ACAP2: variants seen among roughly 807,000 people sequenced by gnomAD.
ACAP2 encodes the protein ArfGAP with coiled-coil, ankyrin repeat and PH domains 2.
In ACAP2, 39 loss-of-function variants were observed where a neutral mutation model predicts 115.8. The observed-to-expected ratio is 0.34, with a 90% CI of 0.26 to 0.44. The LOEUF is 0.44. Ranked by LOEUF, ACAP2 falls within the 20% of genes least tolerant of loss-of-function variation. ACAP2 has a pLI of 1.00. For missense variants in ACAP2, 662 were observed against 927.6 expected, an observed-to-expected ratio of 0.71 and a Z score of 3.72; for synonymous variants, 289 against 315.8, an observed-to-expected ratio of 0.92 and a Z score of 0.90.
At chr3:195,331,916 C>T (rs1378954285) in intron 8 of ACAP2, among the ~76,000 whole-genome samples, 5 of 151,824 alleles carry the variant, frequency 3.3e-5, no homozygotes, top group Non-Finnish European at 7.4e-5. Flanking sequence ...GGGCAGATCA[C>T]GAGGTCAGGA....
chr3:195,368,439 G>C (rs1732881450), intron 4 of ACAP2, among the ~76,000 whole-genome samples: 1 of 152,110 alleles, frequency 6.6e-6, no homozygotes, highest in Non-Finnish European at 1.5e-5. Flanking sequence ...CGTTATCCCA[G>C]CCACTGTTTG....
chr3:195,345,784 A>G (rs1052409019), intron 4 of ACAP2, among the ~76,000 whole-genome samples: 6 of 152,186 alleles, frequency 3.9e-5, no homozygotes, highest in Non-Finnish European at 5.9e-5. Context: ...TGAATATTTT[A>G]AATTCAAATA....
chr3:195,440,266 G>T (rs1194787220), intron 1 of ACAP2, among the ~76,000 whole-genome samples: 1 of 152,140 alleles, frequency 6.6e-6, no homozygotes. Flanking sequence ...TGTTCACTGG[G>T]ATGTAAAAGT....
intron 21 of ACAP2, among the ~76,000 whole-genome samples, chr3:195,287,735 TTCTCGAGG>T (rs1726939836): frequency 6.6e-6 from 1 of 152,198 alleles, no homozygotes; most frequent in Non-Finnish European, 1.5e-5. Context: ...AATCCTCTAA[TTCTCGAGG>T]TAGTAGAATA....
chr3:195,343,222 A>G (rs796373812), intron 5 of ACAP2, among the ~76,000 whole-genome samples: 1 of 152,192 alleles, frequency 6.6e-6, no homozygotes, highest in Non-Finnish European at 1.5e-5. Flanking sequence ...CATAAAGTTA[A>G]TTGTTTTTCT....
chr3:195,380,304 A>C (rs1477524844), intron 4 of ACAP2, among the ~76,000 whole-genome samples: 1 of 152,204 alleles, frequency 6.6e-6, no homozygotes, highest in Non-Finnish European at 1.5e-5. Flanking sequence ...AAGAACCAAA[A>C]ACAAGCAGAT....
At chr3:195,403,869 G>T (rs544247403) in intron 1 of ACAP2, among the ~76,000 whole-genome samples, 1 of 152,242 alleles carries the variant, frequency 6.6e-6, no homozygotes, top group East Asian at 1.9e-4. Context: ...GTCTGAGTTG[G>T]AGGTATAAGT....
chr3:195,363,918 C>T lies in ACAP2; in HGVS notation c.285+17091G>A, dbSNP rs188587834. On this transcript the variant is annotated intron_variant, in intron 4 of 22. Transcript: ENST00000326793. ...CTCAGACAACTCCACTGCAGAAGAA[C>T]GAAACTAGAGCCCTATCTCTTGCCA... is the stretch of plus-strand genomic sequence containing the variant. Among the ~76,000 whole-genome samples the T allele has an allele frequency of 2.0e-5, 3 of 152,274 alleles. No individual in the cohort carries two copies. The East Asian group carries it at 5.8e-4, about 29-fold the overall frequency.
intron 4 of ACAP2, 59 bp from the exon 5 acceptor site, chr3:195,345,376 C>A: frequency 9.2e-7 from 1 of 1,083,074 alleles, no homozygotes; most frequent in South Asian, 1.3e-5. Flanking sequence ...ATTTTCTTAT[C>A]GTGCTATAAA....
At chr3:195,426,184 C>T (rs911600130) in intron 1 of ACAP2, among the ~76,000 whole-genome samples, 2 of 152,132 alleles carry the variant, frequency 1.3e-5, no homozygotes, top group African/African-American at 4.8e-5. Flanking sequence ...TCCTTCCGTT[C>T]CTTGAAGATC....
intron 10 of ACAP2, among the ~76,000 whole-genome samples, chr3:195,317,859 A>G (rs551545578): frequency 6.6e-6 from 1 of 152,254 alleles, no homozygotes; most frequent in African/African-American, 2.4e-5. Context: ...TTAAAGATTC[A>G]TAAGCATTTT....
chr3:195,425,026 CAA>C (rs10690317), intron 1 of ACAP2, among the ~76,000 whole-genome samples: 841 of 26,234 alleles, frequency 0.032, 2 homozygotes, highest in African/African-American at 0.1. Flanking sequence ...GACTCCGTCT[CAA>C]AAAAAAAAAA....
chr3:195,330,399 G>C (rs1730088377), intron 8 of ACAP2, among the ~76,000 whole-genome samples: 2 of 152,154 alleles, frequency 1.3e-5, no homozygotes, highest in Non-Finnish European at 1.5e-5. Flanking sequence ...ACTTATTTGA[G>C]ATCTAGAGAG....
At position 195,276,485 on chromosome 3, in the gene ACAP2, ACT is replaced by A. The variant is rs1433076019; in HGVS notation, c.*2841_*2842del. ...TCTAACATGAAATTGCATTTTATTA[ACT>A]CTTCATAGTGCTGCTATTCTTATTT... is the stretch of plus-strand genomic sequence containing the variant. On this transcript the variant is annotated 3_prime_UTR_variant, in exon 23 of 23. Coordinates refer to ENST00000326793, the MANE Select transcript of ACAP2 (RefSeq NM_012287.6). The A allele has an allele frequency of 6.6e-6, 1 of 152,196 alleles. No individual in the cohort carries two copies. The highest frequency in any genetic ancestry group is 1.5e-5 in the Non-Finnish European group (1 of 68,022). 9.4% of individuals were successfully genotyped at this position (152,196 alleles called of 1,614,324 possible). A position where few individuals can be genotyped will look rare whatever the true frequency, so the allele number is the denominator to read the frequency against.
At chr3:195,348,837 T>C (rs1388832087) in intron 4 of ACAP2, among the ~76,000 whole-genome samples, 2 of 152,146 alleles carry the variant, frequency 1.3e-5, no homozygotes, top group East Asian at 1.9e-4. Flanking sequence ...AGGGGACATA[T>C]GAAAAATCTG....
intron 4 of ACAP2, among the ~76,000 whole-genome samples, chr3:195,372,213 T>C (rs779281166): frequency 3.3e-5 from 5 of 152,052 alleles, no homozygotes; most frequent in Non-Finnish European, 5.9e-5. Context: ...AGGAAAAAAA[T>C]GTCAAGAACT....
At chr3:195,409,414 T>C (rs565237923) in intron 1 of ACAP2, among the ~76,000 whole-genome samples, 1 of 151,680 alleles carries the variant, frequency 6.6e-6, no homozygotes, top group Non-Finnish European at 1.5e-5. Flanking sequence ...ATAGAAACTA[T>C]AAGGCATTCC....
chr3:195,307,232 G>A lies in ACAP2; in HGVS notation c.1001C>T (p.Ser334Leu), dbSNP rs762283121. Residue 334 changes from serine to leucine, a missense_variant, in exon 12 of 23, where the codon TCG (serine) becomes TTG (leucine). Physicochemically the swap from Ser to Leu is moderately radical, Grantham distance 145 (BLOSUM62 -2). Around this residue, in one of 3 missense-constraint regions of ACAP2, gnomAD observed 401 missense variants for 604.4 expected, o/e 0.66. Transcript: ENST00000326793. ...IERRFCFEVVSPTKSCMLQAD... is the reference protein window; with the variant it reads ...IERRFCFEVVLPTKSCMLQAD... The stretch of plus-strand genomic sequence containing the variant: ...CTTTAGAACCACTTACTTTGTTGGC[G>A]AGACCACCTCAAAGCAGAATCGTCG... 15 of 1,612,134 alleles carry A rather than the reference G, an allele frequency of 9.3e-6. No individual in the cohort carries two copies. Among genetic ancestry groups the A allele is most frequent in the East Asian group, 2.2e-5 (1 of 44,766 alleles).
chr3:195,392,724 T>C (rs1734759817), intron 1 of ACAP2, among the ~76,000 whole-genome samples: 1 of 152,204 alleles, frequency 6.6e-6, no homozygotes, highest in Non-Finnish European at 1.5e-5. Context: ...AAATATTGTC[T>C]TATTGACAAA....
Sources: gnomAD v4.1 joint callset for allele counts (sites outside exome capture counted in the v4.1 genomes callset) on GRCh38, gnomAD v4.1.1 for gene constraint, gnomAD v4.1.1 regional missense constraint, MANE v1.5 for transcripts, NCBI Gene and HGNC (gene_info 2026-07-23, HGNC 2026-07-21) for gene names.